The following SUGP1 variants were observed in gnomAD, a reference collection of about 807,000 sequenced individuals.
SUGP1 encodes SURP and G-patch domain containing 1.
In SUGP1, 34 loss-of-function variants were observed where a neutral mutation model predicts 76.5. The observed-to-expected ratio is 0.44, with a 90% confidence interval of 0.34 to 0.59. SUGP1 has a LOEUF of 0.59. Ranked by LOEUF, SUGP1 falls within the 20% of genes least tolerant of loss-of-function variation. The pLI is 0.01. For synonymous variants in SUGP1, 326 were observed against 326.2 expected (o/e 1.00, Z 0.01); for missense variants, 752 against 851.7 (o/e 0.88, Z 1.46).
chr19:19,311,256 T>C (rs1224684061), intron 2 of SUGP1, among the ~76,000 whole-genome samples: 1 of 151,996 alleles, frequency 6.6e-6, no homozygotes, highest in Non-Finnish European at 1.5e-5. Context: ...GTGCTCAACT[T>C]TGATTTAAAT....
At chr19:19,292,379 A>G (rs538621774) in intron 8 of SUGP1, among the ~76,000 whole-genome samples, 1 of 152,246 alleles carries the variant, frequency 6.6e-6, no homozygotes, top group African/African-American at 2.4e-5. Flanking sequence ...GATTAGCCTG[A>G]TACCCAAGGC....
rs372905534 is a variant in SUGP1, at chr19:19,303,981, C to G, written c.539-134G>C. On this transcript the variant is annotated intron_variant, in intron 4 of 13. Transcript: ENST00000247001. ...AGATGCAGGAGGCTGTCGGGCGTCCCGAGTCCAGGCACAAAACACCATGAC... is the reference window on the plus strand; with the variant it reads ...AGATGCAGGAGGCTGTCGGGCGTCCGGAGTCCAGGCACAAAACACCATGAC... The G allele has an allele frequency of 3.8e-6, 6 of 1,595,246 alleles. No homozygotes were observed. In the East Asian group the frequency reaches 1.3e-4, roughly 36 times the overall value.
Position 19,320,451 on chromosome 19 carries a change from G to A in SUGP1, c.34+12C>T. ...CCCAGGCGGCCGCCTGAGAGGAGGC[G>A]GGGGCTGTTACCTGCAACATCCCGG... On this transcript the variant is annotated intron_variant, in intron 1 of 13. Coordinates refer to ENST00000247001, the MANE Select transcript of SUGP1 (RefSeq NM_172231.4). The A allele has an allele frequency of 1.2e-6, 2 of 1,609,932 alleles. No homozygotes were observed. Among genetic ancestry groups the A allele is most frequent in the Non-Finnish European group, 1.7e-6 (2 of 1,178,426 alleles).
chr19:19,319,267 G>A (rs1329481959), intron 1 of SUGP1, among the ~76,000 whole-genome samples: 2 of 151,974 alleles, frequency 1.3e-5, no homozygotes, highest in Admixed American at 6.6e-5. Flanking sequence ...TCAAGGCCCC[G>A]CCAGATGGTT....
rs1293371861 is a variant in SUGP1 at position 19,279,393 on chromosome 19, G to A, written c.1351-3C>T. ...ATCATGTCGTACATCTGCTGCATCT[G>A]CAGGGCACACTCGCCAGTGAGCCAG... On this transcript the variant is annotated splice_polypyrimidine_tract_variant and splice_region_variant and intron_variant, in intron 9 of 13. Transcript: ENST00000247001. The A allele has an allele frequency of 1.9e-6, 3 of 1,596,366 alleles. No individual in the cohort carries two copies. The highest frequency in any genetic ancestry group is 2.2e-5 in the East Asian group (1 of 44,602).
At chr19:19,297,400 A>AGGAGCAGTTCTGGCC in intron 7 of SUGP1, 56 bp from the exon 8 acceptor site, 3 of 1,349,532 alleles carry the variant, frequency 2.2e-6, no homozygotes, top group Non-Finnish European at 3.0e-6. Flanking sequence ...CCTGTCCCTG[A>AGGAGCAGTTCTGGCC]TTCTGGGCAG....
intron 7 of SUGP1, among the ~76,000 whole-genome samples, chr19:19,301,083 C>T (rs1282831162): frequency 6.6e-6 from 1 of 152,156 alleles, no homozygotes; most frequent in Non-Finnish European, 1.5e-5. Flanking sequence ...GAAGGAAAGA[C>T]ATGATGACTT....
chr19:19,291,491 G>C (rs567756696), intron 8 of SUGP1, among the ~76,000 whole-genome samples: 1 of 152,242 alleles, frequency 6.6e-6, no homozygotes, highest in African/African-American at 2.4e-5. Flanking sequence ...AAATTAGATA[G>C]ATGAAGTGAA....
intron 2 of SUGP1, among the ~76,000 whole-genome samples, chr19:19,315,322 T>C (rs1447493725): frequency 6.6e-6 from 1 of 150,742 alleles, no homozygotes; most frequent in East Asian, 1.9e-4. Flanking sequence ...AGCAAAACCC[T>C]GTCTCAAAGA....
intron 6 of SUGP1, 183 bp from the exon 7 acceptor site, chr19:19,302,571 C>G (rs921776607): frequency 2.4e-6 from 2 of 835,004 alleles, no homozygotes; most frequent in East Asian, 5.6e-5. Context: ...CTCAAGCCCC[C>G]ACCCCCGACC....
intron 8 of SUGP1, among the ~76,000 whole-genome samples, chr19:19,296,461 A>G (rs74182635): frequency 0.05 from 7,617 of 152,116 alleles, 259 homozygotes; most frequent in East Asian, 0.12. Flanking sequence ...CCTGGCTAAC[A>G]CAGTAAAACC....
At chr19:19,289,286 G>A (rs1426658732) in intron 8 of SUGP1, among the ~76,000 whole-genome samples, 1 of 152,040 alleles carries the variant, frequency 6.6e-6, no homozygotes, top group Non-Finnish European at 1.5e-5. Flanking sequence ...TGTCATATAT[G>A]CAGTCCATCA....
chr19:19,305,685 G>T, intron 4 of SUGP1, 164 bp downstream of exon 4: 1 of 635,222 alleles, frequency 1.6e-6, no homozygotes, highest in Non-Finnish European at 2.6e-6. Flanking sequence ...ACCCTCCTTT[G>T]CTCTCCTCAC....
intron 8 of SUGP1, among the ~76,000 whole-genome samples, chr19:19,284,308 A>C (rs2061122794): frequency 6.6e-6 from 1 of 152,184 alleles, no homozygotes; most frequent in African/African-American, 2.4e-5. Flanking sequence ...AAAAAGTGCC[A>C]CTAGTGATGG....
intron 2 of SUGP1, among the ~76,000 whole-genome samples, chr19:19,312,518 G>A (rs1210121334): frequency 6.6e-6 from 1 of 152,110 alleles, no homozygotes; most frequent in Non-Finnish European, 1.5e-5. Flanking sequence ...GGAGTCCACA[G>A]GGCTAGCCTT....
intron 1 of SUGP1, 38 bp downstream of exon 1, chr19:19,320,425 A>C (rs750728566): frequency 6.2e-7 from 1 of 1,604,496 alleles, no homozygotes; most frequent in Non-Finnish European, 8.5e-7. Context: ...AGCCCCAGGG[A>C]CCCAGGCGGC....
intron 7 of SUGP1, among the ~76,000 whole-genome samples, chr19:19,301,450 C>G (rs1249862425): frequency 6.6e-6 from 1 of 152,230 alleles, no homozygotes; most frequent in Non-Finnish European, 1.5e-5. Context: ...CCTCCACGAC[C>G]TTGGCCAGTG....
At chr19:19,318,434 GTT>G (rs1425204572) in intron 1 of SUGP1, among the ~76,000 whole-genome samples, 1 of 150,696 alleles carries the variant, frequency 6.6e-6, no homozygotes, top group Non-Finnish European at 1.5e-5. Context: ...TTTTTGTTTT[GTT>G]TTGTTTTTTT....
At chr19:19,317,474 G>A (rs948812937) in intron 1 of SUGP1, among the ~76,000 whole-genome samples, 1 of 152,122 alleles carries the variant, frequency 6.6e-6, no homozygotes, top group Non-Finnish European at 1.5e-5. Context: ...TATTATAAGG[G>A]CTTTGGGGAG....
Sources: allele counts gnomAD v4.1 joint callset (sites outside exome capture counted in the v4.1 genomes callset), GRCh38; gene constraint gnomAD v4.1.1; transcripts MANE v1.5; gene names NCBI Gene and HGNC (gene_info 2026-07-23, HGNC 2026-07-21).